The following COP1 variants were observed in gnomAD, a reference collection of about 807,000 sequenced individuals.
COP1 encodes E3 ubiquitin-protein ligase COP1.
A neutral mutation model predicts 101.3 loss-of-function variants in COP1; 24 were observed. The observed-to-expected ratio is 0.24, with a 90% CI of 0.17 to 0.33. The LOEUF is 0.33. COP1 is among the 10% of genes least tolerant of loss of function. COP1 has a pLI of 1.00. For synonymous variants in COP1, 347 were observed against 341.9 expected (o/e 1.01, Z -0.17); for missense variants, 663 against 906.2 (o/e 0.73, Z 3.45).
At chr1:176,017,252 A>T (rs1460172602) in intron 15 of COP1, 1 of 152,220 alleles carries the variant, frequency 6.6e-6, no homozygotes, top group African/African-American at 2.4e-5. Context: ...AAAAGCAATA[A>T]GACATAAAGG....
At chr1:176,136,583 A>G in intron 6 of COP1, 36 bp from the exon 7 acceptor site, 1 of 1,498,246 alleles carries the variant, frequency 6.7e-7, no homozygotes, top group East Asian at 2.3e-5. Flanking sequence ...ACAAAAAAAA[A>G]AAAGCCTAAG....
intron 8 of COP1, among the ~76,000 whole-genome samples, chr1:176,124,929 G>A (rs562756205): frequency 9.2e-5 from 14 of 152,238 alleles, no homozygotes; most frequent in African/African-American, 3.4e-4. Flanking sequence ...ACTAGCATTT[G>A]TTACTGCCAA....
chr1:175,962,150 C>T (rs1362612103), intron 18 of COP1, among the ~76,000 whole-genome samples: 1 of 151,988 alleles, frequency 6.6e-6, no homozygotes, highest in African/African-American at 2.4e-5. Flanking sequence ...CAGAATATGC[C>T]ATCCCAAAAT....
At position 175,944,991 on chromosome 1, in the gene COP1, T is replaced by A; in HGVS notation, c.*162A>T. 3 of 639,678 alleles carry A rather than the reference T, an allele frequency of 4.7e-6. No homozygotes were observed. The highest frequency in any genetic ancestry group is 8.2e-6 in the Non-Finnish European group (3 of 364,976). The allele number at this position is 639,678 out of a possible 1,614,324, so 39.6% of individuals were successfully genotyped here. A position where few individuals can be genotyped will look rare whatever the true frequency, so the allele number is the denominator to read the frequency against. On this transcript the variant is annotated 3_prime_UTR_variant, in exon 20 of 20. Coordinates refer to ENST00000367669, the MANE Select transcript of COP1 (RefSeq NM_022457.7). The stretch of plus-strand genomic sequence containing the variant: ...GGTATTCCCAATGTCCCAAAGGTCA[T>A]AAAGGAGGGAAAAGAAAAAAAGAAA...
chr1:175,968,276 T>C, intron 18 of COP1: 1 of 292,502 alleles, frequency 3.4e-6, no homozygotes, highest in Non-Finnish European at 7.0e-6. Context: ...AAAAACCAGT[T>C]CAGACGGATA....
chr1:176,012,316 G>A (rs1664829383), intron 15 of COP1, among the ~76,000 whole-genome samples: 1 of 152,152 alleles, frequency 6.6e-6, no homozygotes, highest in African/African-American at 2.4e-5. Flanking sequence ...TGTGGAGCTG[G>A]GGGTTTCACC....
intron 5 of COP1, among the ~76,000 whole-genome samples, chr1:176,151,351 G>GAA (rs1217384376): frequency 9.9e-5 from 9 of 90,508 alleles, no homozygotes; most frequent in Non-Finnish European, 1.9e-4. Context: ...AGGAAAGAAA[G>GAA]AAAAAGAAAG....
chr1:176,152,843 G>A (rs1210848075), intron 5 of COP1, among the ~76,000 whole-genome samples: 3 of 152,056 alleles, frequency 2.0e-5, no homozygotes, highest in Non-Finnish European at 1.5e-5. Context: ...TCACAAACAG[G>A]AGTCATCATC....
intron 18 of COP1, 98 bp downstream of exon 18, chr1:175,986,845 C>A: frequency 1.0e-6 from 1 of 974,266 alleles, no homozygotes; most frequent in Non-Finnish European, 1.5e-6. Context: ...AAAGTACATA[C>A]CACATACCAA....
intron 9 of COP1, among the ~76,000 whole-genome samples, chr1:176,106,518 G>A (rs1265001445): frequency 6.6e-6 from 1 of 152,194 alleles, no homozygotes; most frequent in Non-Finnish European, 1.5e-5. Flanking sequence ...TAAGATCAGT[G>A]CTTGAGATAT....
chr1:176,067,638 C>T (rs957769813), intron 11 of COP1, among the ~76,000 whole-genome samples: 1 of 152,148 alleles, frequency 6.6e-6, no homozygotes, highest in Non-Finnish European at 1.5e-5. Context: ...ACAGCTACCA[C>T]CACTCAATAC....
chr1:176,155,548 G>A (rs1307369402), intron 5 of COP1, among the ~76,000 whole-genome samples: 1 of 151,898 alleles, frequency 6.6e-6, no homozygotes, highest in Non-Finnish European at 1.5e-5. Flanking sequence ...GGGAAAGGAA[G>A]GAGAGCAAAG....
chr1:175,949,884 C>T (rs1316592685), intron 18 of COP1, among the ~76,000 whole-genome samples: 1 of 152,128 alleles, frequency 6.6e-6, no homozygotes, highest in Non-Finnish European at 1.5e-5. Flanking sequence ...CTGGCAGTTA[C>T]AGGGATTATA....
chr1:176,114,180 T>C (rs1214656358), intron 9 of COP1, among the ~76,000 whole-genome samples: 1 of 152,160 alleles, frequency 6.6e-6, no homozygotes, highest in Non-Finnish European at 1.5e-5. Flanking sequence ...CTACGGTATA[T>C]TTCAATTTAA....
intron 14 of COP1, among the ~76,000 whole-genome samples, chr1:176,042,810 C>T (rs927954968): frequency 1.3e-5 from 2 of 149,044 alleles, no homozygotes; most frequent in African/African-American, 4.9e-5. Context: ...AGGCAGATCA[C>T]TTGAGGTCAG....
At chr1:176,063,045 A>ATTTT (rs1428279033) in intron 11 of COP1, among the ~76,000 whole-genome samples, 1 of 95,986 alleles carries the variant, frequency 1.0e-5, no homozygotes, top group African/African-American at 3.7e-5. Flanking sequence ...ATTTTTGAAA[A>ATTTT]TGTTTTTTTT....
intron 9 of COP1, among the ~76,000 whole-genome samples, chr1:176,106,735 C>T (rs1309091267): frequency 6.6e-6 from 1 of 152,262 alleles, no homozygotes. Flanking sequence ...AATTCTTATC[C>T]CCAAATGCTC....
chr1:176,066,039 T>TTAAA (rs964858668), intron 11 of COP1, among the ~76,000 whole-genome samples: 2 of 152,042 alleles, frequency 1.3e-5, no homozygotes, highest in African/African-American at 4.8e-5. Context: ...GGATAATGAT[T>TTAAA]TTATCACAAG....
At chr1:176,095,272 AT>A (rs1357920346) in intron 9 of COP1, among the ~76,000 whole-genome samples, 2 of 152,256 alleles carry the variant, frequency 1.3e-5, no homozygotes, top group Admixed American at 1.3e-4. Flanking sequence ...GAGTTACAGA[AT>A]TTAGAATAGT....
Sources: allele counts gnomAD v4.1 joint callset (sites outside exome capture counted in the v4.1 genomes callset), GRCh38; gene constraint gnomAD v4.1.1; transcripts MANE v1.5; gene names NCBI Gene and HGNC (gene_info 2026-07-23, HGNC 2026-07-21).